The following ADAMTS19 variants were observed in gnomAD, a reference collection of about 807,000 sequenced individuals.
ADAMTS19 encodes the protein ADAM metallopeptidase with thrombospondin type 1 motif 19, also known as A disintegrin and metalloproteinase with thrombospondin motifs 19.
A neutral mutation model predicts 153.3 loss-of-function variants in ADAMTS19; 93 were observed. That is an observed-to-expected ratio of 0.61 (90% CI 0.51 to 0.72). ADAMTS19 has a LOEUF of 0.72. Among genes scored for constraint, ADAMTS19 ranks in the 30% least tolerant of loss-of-function variants. ADAMTS19 has a pLI of 0.00. For synonymous variants in ADAMTS19, 600 were observed against 556.6 expected, an observed-to-expected ratio of 1.08 and a Z score of -1.10; for missense variants, 1,482 against 1,552.1, an observed-to-expected ratio of 0.95 and a Z score of 0.76.
intron 16 of ADAMTS19, among the ~76,000 whole-genome samples, chr5:129,671,743 T>G (rs1037021088): frequency 6.6e-6 from 1 of 152,180 alleles, no homozygotes. Context: ...TGTTCGTAAT[T>G]TATCAAAAAG....
At chr5:129,479,336 C>A (rs1192220859) in intron 2 of ADAMTS19, among the ~76,000 whole-genome samples, 1 of 152,130 alleles carries the variant, frequency 6.6e-6, no homozygotes, top group Non-Finnish European at 1.5e-5. Flanking sequence ...GTAATGTAAT[C>A]TATCTTCTCT....
At chr5:129,657,750 A>G (rs1753608156) in intron 14 of ADAMTS19, among the ~76,000 whole-genome samples, 1 of 152,162 alleles carries the variant, frequency 6.6e-6, no homozygotes, top group African/African-American at 2.4e-5. Context: ...GTAAAAATAA[A>G]CATCTATGTT....
chr5:129,669,750 A>G (rs1354682811), intron 16 of ADAMTS19, among the ~76,000 whole-genome samples: 1 of 152,068 alleles, frequency 6.6e-6, no homozygotes, highest in Admixed American at 6.6e-5. Context: ...GCTGTGTCCC[A>G]TAAGGTATGG....
At chr5:129,551,817 G>T in intron 6 of ADAMTS19, 47 bp from the exon 7 acceptor site, 2 of 1,282,080 alleles carry the variant, frequency 1.6e-6, no homozygotes, top group Non-Finnish European at 2.2e-6. Flanking sequence ...TGTCTTGTTT[G>T]TACAAAATAA....
intron 3 of ADAMTS19, among the ~76,000 whole-genome samples, chr5:129,512,733 GATCT>G (rs954579337): frequency 1.3e-5 from 2 of 151,934 alleles, no homozygotes; most frequent in African/African-American, 4.8e-5. Context: ...TCTCTTACCT[GATCT>G]ATCTACCACT....
At chr5:129,670,570 T>G (rs1271651225) in intron 16 of ADAMTS19, among the ~76,000 whole-genome samples, 1 of 152,170 alleles carries the variant, frequency 6.6e-6, no homozygotes, top group Non-Finnish European at 1.5e-5. Flanking sequence ...TCTGGGTTCT[T>G]AGGCACTGAA....
At chr5:129,580,623 T>C (rs56092543) in intron 7 of ADAMTS19, among the ~76,000 whole-genome samples, 12,367 of 152,262 alleles carry the variant, frequency 0.081, 605 homozygotes, top group Middle Eastern at 0.14. Flanking sequence ...ACCTAGTTTA[T>C]TGAGAATTTT....
intron 7 of ADAMTS19, among the ~76,000 whole-genome samples, chr5:129,580,484 T>A (rs1436765746): frequency 6.6e-6 from 1 of 152,188 alleles, no homozygotes; most frequent in Non-Finnish European, 1.5e-5. Flanking sequence ...ATAGGAGTAG[T>A]GAAAGAGGGC....
intron 16 of ADAMTS19, among the ~76,000 whole-genome samples, chr5:129,666,222 A>AT (rs1323114531): frequency 6.6e-6 from 1 of 152,028 alleles, no homozygotes; most frequent in Non-Finnish European, 1.5e-5. Flanking sequence ...TATGAAAAAA[A>AT]TACTAAATTG....
At chr5:129,580,289 A>G (rs952099232) in intron 7 of ADAMTS19, among the ~76,000 whole-genome samples, 1 of 152,128 alleles carries the variant, frequency 6.6e-6, no homozygotes, top group East Asian at 1.9e-4. Context: ...TTGATTTTGT[A>G]TCCTGAACTT....
At chr5:129,728,601 C>T (rs1375719921) in intron 21 of ADAMTS19, among the ~76,000 whole-genome samples, 1 of 152,020 alleles carries the variant, frequency 6.6e-6, no homozygotes, top group Non-Finnish European at 1.5e-5. Flanking sequence ...TATTGGTTTC[C>T]TTTGATCACA....
intron 21 of ADAMTS19, among the ~76,000 whole-genome samples, chr5:129,713,112 G>T (rs1358633389): frequency 1.3e-5 from 2 of 152,142 alleles, no homozygotes; most frequent in Admixed American, 1.3e-4. Flanking sequence ...AAGTAAATGT[G>T]ATGGAGTTAC....
intron 6 of ADAMTS19, among the ~76,000 whole-genome samples, chr5:129,532,477 T>C (rs928379414): frequency 5.9e-5 from 9 of 152,142 alleles, no homozygotes; most frequent in African/African-American, 2.2e-4. Context: ...TATGGAACAC[T>C]CCTCAGTTGT....
chr5:129,522,314 T>TACACACACACACACACAC (rs1455704023), intron 3 of ADAMTS19, among the ~76,000 whole-genome samples: 4 of 94,482 alleles, frequency 4.2e-5, no homozygotes, highest in African/African-American at 2.1e-4. Flanking sequence ...TATATATATA[T>TACACACACACACACACAC]ATACACACAC....
intron 11 of ADAMTS19, among the ~76,000 whole-genome samples, chr5:129,646,658 T>G (rs1266453457): frequency 6.6e-6 from 1 of 152,142 alleles, no homozygotes; most frequent in Non-Finnish European, 1.5e-5. Flanking sequence ...TAAAAAAAAC[T>G]GTTAGGTAAC....
intron 10 of ADAMTS19, among the ~76,000 whole-genome samples, chr5:129,626,797 A>C (rs1752071513): frequency 1.3e-5 from 2 of 152,272 alleles, no homozygotes; most frequent in Admixed American, 1.3e-4. Flanking sequence ...GTTGGAGGAA[A>C]TATAAGCAAA....
chr5:129,535,497 T>G (rs192898905), intron 6 of ADAMTS19, among the ~76,000 whole-genome samples: 1 of 152,146 alleles, frequency 6.6e-6, no homozygotes, highest in South Asian at 2.1e-4. Context: ...CAAGGTAATT[T>G]AGAGATTCAA....
intron 8 of ADAMTS19, among the ~76,000 whole-genome samples, chr5:129,616,026 A>G (rs570506141): frequency 3.3e-5 from 5 of 152,032 alleles, no homozygotes; most frequent in African/African-American, 1.2e-4. Context: ...CTCTTTTTGT[A>G]CCTCTACTTT....
chr5:129,581,331 A>G (rs1415506830), intron 7 of ADAMTS19, among the ~76,000 whole-genome samples: 1 of 151,132 alleles, frequency 6.6e-6, no homozygotes, highest in Non-Finnish European at 1.5e-5. Context: ...TAGTCTTGGG[A>G]GGGTGTATGT....
Sources: gnomAD v4.1 joint callset for allele counts (sites outside exome capture counted in the v4.1 genomes callset) on GRCh38, gnomAD v4.1.1 for gene constraint, MANE v1.5 for transcripts, NCBI Gene and HGNC (gene_info 2026-07-23, HGNC 2026-07-21) for gene names.